SLX4: variants seen among roughly 807,000 people sequenced by gnomAD.
The protein encoded by SLX4 is structure-specific endonuclease subunit SLX4.
SLX4 carries 112 observed loss-of-function variants against 146.2 expected under a neutral mutation model. That is an observed-to-expected ratio of 0.77 (90% confidence interval 0.66 to 0.90). The LOEUF (loss-of-function observed/expected upper bound fraction) is 0.90, where lower values mean the gene tolerates loss of function less well. Among genes scored for constraint, SLX4 ranks in the 40% least tolerant of loss-of-function variants. The probability of loss-of-function intolerance (pLI) is 0.00; values close to 1 mark genes in which losing one functional copy is unlikely to be tolerated. For synonymous variants in SLX4, 1,061 were observed against 997.7 expected, an observed-to-expected ratio of 1.06 and a Z score of -1.20; for missense variants, 2,563 against 2,392.7, an observed-to-expected ratio of 1.07 and a Z score of -1.49.
rs1023320643 is a variant in SLX4, at chr16:3,590,019, G to A, written c.3619C>T (p.Pro1207Ser). ...TGCAGCACAGCTTCGCTTCTTGGTG[G>A]GCTCTGGGAAGGTTCCTGATCTGCA... is the stretch of plus-strand genomic sequence containing the variant. ...VDADQEPSQS[P>S]PRSEAVLQQE... Residue 1207 changes from proline to serine, a missense_variant, in exon 12 of 15, where the codon CCA (proline) becomes TCA (serine). Transcript: ENST00000294008. The surrounding 1 kb of genome is among the most constrained non-coding windows in gnomAD (Gnocchi z 4.8). 3.1e-6 allele frequency: 5 copies of A among 1,614,100 alleles called. No individual in the cohort carries two copies. Among genetic ancestry groups the A allele is most frequent in the South Asian group, 1.1e-5 (1 of 91,080 alleles).
At position 3,590,229 on chromosome 16, in the gene SLX4, T is replaced by C. The variant is rs761238767; in HGVS notation, c.3409A>G (p.Arg1137Gly). ...TQSNPDHSSS[R>G]SQKSSSKLNE... Reference sequence around the variant, plus strand: ...AGTTTGGATGAAGATTTCTGAGATCTGGAGCTCGAATGGTCAGGATTTGAC... The same window carrying C: ...AGTTTGGATGAAGATTTCTGAGATCCGGAGCTCGAATGGTCAGGATTTGAC... Residue 1137 changes from arginine to glycine, a missense_variant, in exon 12 of 15, where the codon AGA (arginine) becomes GGA (glycine). Arg to Gly is a moderately radical substitution (Grantham distance 125, BLOSUM62 -2). Transcript: ENST00000294008. This position sits in a 1 kb window ranked among gnomAD's most constrained non-coding sequence, Gnocchi z 4.8. 4.3e-5 allele frequency: 70 copies of C among 1,614,110 alleles called. No individual in the cohort carries two copies. Among genetic ancestry groups the C allele is most frequent in the Non-Finnish European group, 5.6e-5 (66 of 1,180,050 alleles).
At chr16:3,592,598 C>T in intron 11 of SLX4, 101 bp downstream of exon 11, 1 of 1,360,818 alleles carries the variant, frequency 7.3e-7, no homozygotes, top group Non-Finnish European at 1.0e-6. Context: ...ACTGTTAGTT[C>T]TCTTGGCCTC....
In SLX4 at chr16:3,608,468, T is replaced by G. The variant is rs2151139059; in HGVS notation, c.497A>C (p.Gln166Pro). Reference sequence around the variant, plus strand: ...TCTGGAAAGGTTTGGCGATGGTTCTTGCTGGTTACCCGTCTGGGTGTTTTG... The same window carrying G: ...TCTGGAAAGGTTTGGCGATGGTTCTGGCTGGTTACCCGTCTGGGTGTTTTG... ...TAQNTQTGNQ[Q>P]EPSPNLSREK... The change falls in exon 2 of 15, where the codon CAA (glutamine) becomes CCA (proline). Residue 166 changes from glutamine (Q) to proline (P), a missense_variant. Physicochemically the swap from Gln to Pro is moderately conservative, Grantham distance 76. Coordinates refer to ENST00000294008, the MANE Select transcript of SLX4 (RefSeq NM_032444.4). The G allele has an allele frequency of 6.2e-7, 1 of 1,614,210 alleles. No individual in the cohort carries two copies. The highest frequency in any genetic ancestry group is 8.5e-7 in the Non-Finnish European group (1 of 1,180,048).
rs2040580523 is a variant in SLX4, at chr16:3,590,832, AGTGCTGGCCCTGG to A, written c.2793_2805del (p.Gln934HisfsTer63). 6.8e-6 allele frequency: 11 copies of A among 1,613,918 alleles called. No homozygotes were observed. The highest frequency in any genetic ancestry group is 1.3e-5 in the African/African-American group (1 of 74,890). On this transcript the variant is annotated frameshift_variant, in exon 12 of 15. Coordinates refer to ENST00000294008, the MANE Select transcript of SLX4 (RefSeq NM_032444.4). LOFTEE classifies it high-confidence loss of function. The surrounding 1 kb of genome is among the most constrained non-coding windows in gnomAD (Gnocchi z 4.8). ...GGGGCCTCTGCTCCCCGTGCCCCTGAGTGCTGGCCCTGGGGTGGCGGGAGAGCGCACTGTCCCA... is the reference window on the plus strand; with the variant it reads ...GGGGCCTCTGCTCCCCGTGCCCCTGAGGTGGCGGGAGAGCGCACTGTCCCA...
intron 12 of SLX4, among the ~76,000 whole-genome samples, chr16:3,587,581 TC>T (rs2040522349): frequency 1.3e-5 from 2 of 152,164 alleles, no homozygotes; most frequent in Admixed American, 1.3e-4. Flanking sequence ...AAAGCACGAT[TC>T]TTCCTGTGGC....
intron 3 of SLX4, among the ~76,000 whole-genome samples, chr16:3,605,095 A>G (rs1044045224): frequency 4.0e-5 from 6 of 150,222 alleles, no homozygotes; most frequent in South Asian, 2.1e-4. Context: ...TAATTAAAAA[A>G]AAATTTTTTT....
In SLX4 at chr16:3,585,324, C is replaced by T. The variant is rs546315032; in HGVS notation, c.4637-453G>A. 1.8e-4 allele frequency among the ~76,000 whole-genome samples: 28 copies of T among 152,288 alleles called. 1 individual carries two copies. The South Asian group carries it at 3.1e-3, about 17-fold the overall frequency. On this transcript the variant is annotated intron_variant, in intron 12 of 14. Transcript: ENST00000294008. ...CAAAGGGGCCGGGCGCGGTGGCTCA[C>T]GCCTGTAATCCCAGCACTTTGGGAG...
At position 3,590,516 on chromosome 16, in the gene SLX4, T is replaced by G; in HGVS notation, c.3122A>C (p.Gln1041Pro). The G allele has an allele frequency of 6.2e-7, 1 of 1,613,396 alleles. No homozygotes were observed. The change falls in exon 12 of 15, where the codon CAG becomes CCG. Residue 1041 changes from glutamine (Q) to proline (P), a missense_variant. Transcript: ENST00000294008. The surrounding 1 kb of genome is among the most constrained non-coding windows in gnomAD (Gnocchi z 4.8). ...HPCRFLLGPP[Q>P]GGSPRGSHHT... is the part of the protein sequence containing the mutation. ...ATGAGACCCGCGGGGACTCCCGCCC[T>G]GGGGAGGCCCCAATAGGAAGCGGCA...
Position 3,583,609 on chromosome 16 carries a change from G to C in SLX4, c.4740-99C>G, listed in dbSNP as rs368731354. Reference sequence around the variant, plus strand: ...AAGAGTGATACCCAATGCATTCAGCGAATGGCTTGTGTGACAAACCATAGA... The same window carrying C: ...AAGAGTGATACCCAATGCATTCAGCCAATGGCTTGTGTGACAAACCATAGA... On this transcript the variant is annotated intron_variant, in intron 13 of 14. Transcript: ENST00000294008. The C allele has an allele frequency of 3.0e-6, 4 of 1,351,366 alleles. No homozygotes were observed. In the East Asian group the frequency reaches 6.9e-5, roughly 23 times the overall value. 83.7% of individuals were successfully genotyped at this position (1,351,366 alleles called of 1,614,324 possible).
At chr16:3,604,165 G>C (rs1011274714) in intron 3 of SLX4, among the ~76,000 whole-genome samples, 6 of 150,504 alleles carry the variant, frequency 4.0e-5, no homozygotes, top group African/African-American at 1.2e-4. Context: ...CTGGGAGGCA[G>C]AGGTTGCAGT....
chr16:3,595,535 C>G, intron 9 of SLX4, 70 bp downstream of exon 9: 1 of 1,561,012 alleles, frequency 6.4e-7, no homozygotes, highest in East Asian at 2.2e-5. Context: ...CAGCGGTGAG[C>G]CAACCCCACC....
Position 3,602,194 on chromosome 16 carries a change from C to G in SLX4, c.874G>C (p.Gly292Arg), listed in dbSNP as rs780402573. ...TGACAAATCTGGCAGAAGAACAAACCCTTTTCCTCCAGGCTATCATCATGT... is the reference window on the plus strand; with the variant it reads ...TGACAAATCTGGCAGAAGAACAAACGCTTTTCCTCCAGGCTATCATCATGT... ...SAHDDSLEEK[G>R]LFFCQICQKN... is the part of the protein sequence containing the mutation. The change falls in exon 4 of 15, where the codon GGT becomes CGT. Residue 292 changes from glycine to arginine, a missense_variant. Coordinates refer to ENST00000294008, the MANE Select transcript of SLX4 (RefSeq NM_032444.4). The G allele has an allele frequency of 1.9e-6, 3 of 1,614,144 alleles. No individual in the cohort carries two copies. The highest frequency in any genetic ancestry group is 2.2e-5 in the East Asian group (1 of 44,876).
At chr16:3,595,766 C>T (rs2040645398) in intron 8 of SLX4, 73 bp from the exon 9 acceptor site, 2 of 1,560,756 alleles carry the variant, frequency 1.3e-6, no homozygotes, top group African/African-American at 2.7e-5. Flanking sequence ...ACAGCGTTGA[C>T]CACAGGCTGA....
rs776760390 is a variant in SLX4, at chr16:3,589,619, T to C, written c.4019A>G (p.His1340Arg). The C allele has an allele frequency of 3.7e-6, 6 of 1,613,784 alleles. No homozygotes were observed. In the East Asian group the frequency reaches 1.1e-4, roughly 30 times the overall value. ...GGGGTGGGGACGGGAAGGGCTTCTG[T>C]GGCCTTGCCTTCTGCCGTCAGAAGT... Reference protein sequence around the residue: ...PGTSDGRRQGHRSPSRPHPGG... With the variant: ...PGTSDGRRQGRRSPSRPHPGG... Residue 1340 changes from histidine to arginine, a missense_variant, in exon 12 of 15, where the codon CAC (histidine) becomes CGC (arginine). By Grantham distance (29) the His-to-Arg change is conservative. Transcript: ENST00000294008. This position sits in a 1 kb window ranked among gnomAD's most constrained non-coding sequence, Gnocchi z 6.2.
chr16:3,610,276 T>C (rs1453811605), intron 1 of SLX4, among the ~76,000 whole-genome samples: 1 of 152,250 alleles, frequency 6.6e-6, no homozygotes, highest in Admixed American at 6.5e-5. Flanking sequence ...ATCTACTTTG[T>C]ATGGCTGGCG....
rs1465451270 is a variant in SLX4, at chr16:3,582,221, G to A, written c.*121C>T. On this transcript the variant is annotated 3_prime_UTR_variant, in exon 15 of 15. Coordinates refer to ENST00000294008, the MANE Select transcript of SLX4 (RefSeq NM_032444.4). The stretch of plus-strand genomic sequence containing the variant: ...ATCATCACAGCGCAGAGCTGATGTG[G>A]TCCCCAGGCCCAGAAATGCCTGTGG... The A allele has an allele frequency of 1.3e-6, 1 of 783,288 alleles. No homozygotes were observed. Among genetic ancestry groups the A allele is most frequent in the Non-Finnish European group, 2.1e-6 (1 of 478,514 alleles). The allele number at this position is 783,288 out of a possible 1,614,324, so 48.5% of individuals were successfully genotyped here. A position where few individuals can be genotyped will look rare whatever the true frequency, so the allele number is the denominator to read the frequency against.
At chr16:3,604,333 C>T (rs1329201754) in intron 3 of SLX4, among the ~76,000 whole-genome samples, 2 of 151,552 alleles carry the variant, frequency 1.3e-5, no homozygotes. Context: ...TGTGAACTTA[C>T]TGAATCCTTG....
At chr16:3,604,357 G>A (rs2040760748) in intron 3 of SLX4, among the ~76,000 whole-genome samples, 1 of 151,770 alleles carries the variant, frequency 6.6e-6, no homozygotes, top group African/African-American at 2.4e-5. Flanking sequence ...AGAAAAAAAA[G>A]AAACCAGCTA....
chr16:3,602,180 G>A lies in SLX4; in HGVS notation c.888C>T (p.Cys296=), dbSNP rs758846114. 3 of 1,613,994 alleles carry A rather than the reference G, an allele frequency of 1.9e-6. No homozygotes were observed. Among genetic ancestry groups the A allele is most frequent in the Middle Eastern group, 1.6e-4 (1 of 6,084 alleles). ...CTGAGAGGTTCTTTTGACAAATCTG[G>A]CAGAAGAACAAACCCTTTTCCTCCA... The part of the protein sequence containing the change: ...DSLEEKGLFF[C]QICQKNLSAM... The change falls in exon 4 of 15, where the codon TGC becomes TGT. Residue 296 remains cysteine (C), a synonymous_variant. Coordinates refer to ENST00000294008, the MANE Select transcript of SLX4 (RefSeq NM_032444.4).
Sources: allele counts gnomAD v4.1 joint callset (sites outside exome capture counted in the v4.1 genomes callset), GRCh38; gene constraint gnomAD v4.1.1; non-coding constraint Gnocchi (gnomAD v3.1); transcripts MANE v1.5; gene names NCBI Gene and HGNC (gene_info 2026-07-23, HGNC 2026-07-21).